Variants in PAN2 observed in about 807,000 individuals in gnomAD.
The protein encoded by PAN2 is PAN2-PAN3 deadenylation complex catalytic subunit PAN2.
Under a neutral mutation model 133.3 loss-of-function variants are expected in PAN2, and 68 were observed. The observed-to-expected ratio is 0.51, with a 90% CI of 0.42 to 0.62. PAN2 has a LOEUF of 0.62. Among genes scored for constraint, PAN2 ranks in the 20% least tolerant of loss-of-function variants. The pLI, the probability that PAN2 is intolerant of heterozygous loss-of-function variation, is 0.00. For missense variants in PAN2, 1,042 were observed against 1,500.5 expected (o/e 0.69, Z 5.05); for synonymous variants, 462 against 544.6 (o/e 0.85, Z 2.11).
Position 56,324,168 on chromosome 12 carries a change from C to T in PAN2, c.1946G>A (p.Gly649Glu), listed in dbSNP as rs1485232585. The change falls in exon 13 of 26, where the codon GGG becomes GAG. Residue 649 changes from glycine to glutamate, a missense_variant. This residue lies in a region of PAN2 where 908 missense variants were observed against 1,223.5 expected (regional missense o/e 0.74). Coordinates refer to ENST00000440411, the MANE Select transcript of PAN2 (RefSeq NM_014871.6). ...GAGGSSFCSS[G>E]DSVIGQLFSC... The stretch of plus-strand genomic sequence containing the variant: ...GAAGAGCTGCCCAATAACAGAGTCC[C>T]CCGATGAGCAAAAGCTGCTAAGAGT... 4.3e-6 allele frequency: 7 copies of T among 1,613,846 alleles called. No individual in the cohort carries two copies. The highest frequency in any genetic ancestry group is 5.9e-6 in the Non-Finnish European group (7 of 1,180,030).
chr12:56,325,300 C>T lies in PAN2; in HGVS notation c.1479+35G>A, dbSNP rs1000459548. The T allele has an allele frequency of 5.6e-6, 9 of 1,612,234 alleles. No individual in the cohort carries two copies. The African/African-American group carries it at 1.1e-4, about 19-fold the overall frequency. On this transcript the variant is annotated intron_variant, in intron 9 of 25. Transcript: ENST00000440411. Reference sequence around the variant, plus strand: ...ATGACTTCCTTCCCAGGGTACCTTTCCCCACATCCCACAGGCCCTGATGTC... The same window carrying T: ...ATGACTTCCTTCCCAGGGTACCTTTTCCCACATCCCACAGGCCCTGATGTC...
At chr12:56,317,731 A>T (rs1874062454) in intron 25 of PAN2, 88 bp from the exon 26 acceptor site, 1 of 1,108,990 alleles carries the variant, frequency 9.0e-7, no homozygotes, top group African/African-American at 1.5e-5. Flanking sequence ...AATGCAAGAG[A>T]AAAAAGGGCA....
chr12:56,333,082 C>T lies in PAN2; in HGVS notation c.13G>A (p.Gly5Ser). The change falls in exon 2 of 26, where the codon GGT becomes AGT. Residue 5 changes from glycine (G) to serine (S), a missense_variant. Physicochemically the swap from Gly to Ser is moderately conservative, Grantham distance 56 (BLOSUM62 0). Around this residue, in one of 3 missense-constraint regions of PAN2, gnomAD observed 908 missense variants for 1,223.5 expected, o/e 0.74. Coordinates refer to ENST00000440411, the MANE Select transcript of PAN2 (RefSeq NM_014871.6). The part of the protein sequence containing the change: MNFE[G>S]LDPGLAEYAP... ...TATTCTGCCAGTCCAGGGTCCAGACCCTCAAAGTTCATGATGACGATGGCA... is the reference window on the plus strand; with the variant it reads ...TATTCTGCCAGTCCAGGGTCCAGACTCTCAAAGTTCATGATGACGATGGCA... The T allele has an allele frequency of 6.2e-7, 1 of 1,613,456 alleles. No individual in the cohort carries two copies. The highest frequency in any genetic ancestry group is 8.5e-7 in the Non-Finnish European group (1 of 1,179,552).
In PAN2 at chr12:56,319,219, G is replaced by A; in HGVS notation, c.3271-38C>T. On this transcript the variant is annotated intron_variant, in intron 23 of 25. Coordinates refer to ENST00000440411, the MANE Select transcript of PAN2 (RefSeq NM_014871.6). This position sits in a 1 kb window ranked among gnomAD's most constrained non-coding sequence, Gnocchi z 5.4. ...AAAGAGGGGGAGACTTAAGGTAGGG[G>A]ACCTATAATTCCCCATTCTCTAAAG... 1.2e-6 allele frequency: 2 copies of A among 1,613,934 alleles called. No homozygotes were observed. The highest frequency in any genetic ancestry group is 1.7e-6 in the Non-Finnish European group (2 of 1,179,948).
At position 56,323,068 on chromosome 12, in the gene PAN2, C is replaced by T. The variant is rs1874741180; in HGVS notation, c.2487G>A (p.Glu829=). 1 of 1,613,984 alleles carries T rather than the reference C, an allele frequency of 6.2e-7. No individual in the cohort carries two copies. Among genetic ancestry groups the T allele is most frequent in the Non-Finnish European group, 8.5e-7 (1 of 1,180,048 alleles). The change falls in exon 17 of 26, where the codon GAG becomes GAA. Residue 829 remains glutamate (E), a synonymous_variant. Transcript: ENST00000440411. ...LDVCNWTDGD[E]MQWGPARAEE... is the part of the protein sequence containing the mutation. Reference sequence around the variant, plus strand: ...TTCCCGGTTTTTCAACAACCTGCATCTCATCCCCATCAGTCCAATTGCAAA... The same window carrying T: ...TTCCCGGTTTTTCAACAACCTGCATTTCATCCCCATCAGTCCAATTGCAAA...
chr12:56,328,154 T>G, intron 4 of PAN2, 82 bp from the exon 5 acceptor site: 1 of 1,602,252 alleles, frequency 6.2e-7, no homozygotes, highest in Non-Finnish European at 8.5e-7. Flanking sequence ...CACCCACATC[T>G]CAGGCACATT....
chr12:56,324,920 G>T, intron 10 of PAN2, 89 bp downstream of exon 10: 2 of 1,502,696 alleles, frequency 1.3e-6, no homozygotes, highest in Non-Finnish European at 1.8e-6. Flanking sequence ...GAACACGGCT[G>T]AGGAGACCTG....
rs528045171 is a variant in PAN2 at position 56,330,859 on chromosome 12, T to C, written c.282+1954A>G. Among the ~76,000 whole-genome samples, 5 of 151,910 alleles carry C rather than the reference T, an allele frequency of 3.3e-5. No individual in the cohort carries two copies. In the South Asian group the frequency reaches 8.3e-4, roughly 25 times the overall value. ...TGTCACCCAGGCAGGAGTGCAGTGG[T>C]GTGATCTCAGCTCACTGCAACCTCT... On this transcript the variant is annotated intron_variant, in intron 2 of 25. Transcript: ENST00000440411.
chr12:56,326,151 C>G (rs1875096954), intron 8 of PAN2, among the ~76,000 whole-genome samples, 162 bp downstream of exon 8: 1 of 152,218 alleles, frequency 6.6e-6, no homozygotes, highest in Non-Finnish European at 1.5e-5. Flanking sequence ...AGCAAGGACC[C>G]TAGCTTCTCT....
rs747424402 is a variant in PAN2, at chr12:56,323,350, C to T, written c.2306G>A (p.Gly769Glu). ...AFKMAVKKHG[G>E]EISKNKEFAL... ...AAATTCCTTGTTCTTGGAGATTTCCCCACCGTGTTTCTTTACTGCCATCTT... is the reference window on the plus strand; with the variant it reads ...AAATTCCTTGTTCTTGGAGATTTCCTCACCGTGTTTCTTTACTGCCATCTT... Residue 769 changes from glycine to glutamate, a missense_variant, in exon 16 of 26, where the codon GGG becomes GAG. By Grantham distance (98) the Gly-to-Glu change is moderately conservative. Around this residue, in one of 3 missense-constraint regions of PAN2, gnomAD observed 908 missense variants for 1,223.5 expected, o/e 0.74. Transcript: ENST00000440411. 60 of 1,613,828 alleles carry T rather than the reference C, an allele frequency of 3.7e-5. No individual in the cohort carries two copies. Among genetic ancestry groups the T allele is most frequent in the Non-Finnish European group, 5.0e-5 (59 of 1,179,946 alleles).
Position 56,317,302 on chromosome 12 carries a change from T to C in PAN2, c.*307A>G. The C allele has an allele frequency of 5.3e-6, 2 of 376,206 alleles. No homozygotes were observed. Among genetic ancestry groups the C allele is most frequent in the Non-Finnish European group, 9.8e-6 (2 of 204,904 alleles). 23.3% of individuals were successfully genotyped at this position (376,206 alleles called of 1,614,324 possible). A position where few individuals can be genotyped will look rare whatever the true frequency, so the allele number is the denominator to read the frequency against. On this transcript the variant is annotated 3_prime_UTR_variant, in exon 26 of 26. Coordinates refer to ENST00000440411, the MANE Select transcript of PAN2 (RefSeq NM_014871.6). Reference sequence around the variant, plus strand: ...ACTTACAGTTATGGTTCCAGGAGCTTCTCTGCCTGGATATTAGTCACCCAG... The same window carrying C: ...ACTTACAGTTATGGTTCCAGGAGCTCCTCTGCCTGGATATTAGTCACCCAG...
chr12:56,331,712 T>TG (rs200895831), intron 2 of PAN2, among the ~76,000 whole-genome samples: 43,609 of 145,794 alleles, frequency 0.3, 7,013 homozygotes, highest in Non-Finnish European at 0.39. Flanking sequence ...TTTTTTTTTT[T>TG]TTGTTTTTTG....
At chr12:56,320,741 GC>G (rs1394119097) in intron 20 of PAN2, among the ~76,000 whole-genome samples, 1 of 143,068 alleles carries the variant, frequency 7.0e-6, no homozygotes, top group Non-Finnish European at 1.5e-5. Flanking sequence ...AAGACTTACA[GC>G]TGCTTTTTTT....
chr12:56,323,726 A>C, intron 14 of PAN2, 81 bp downstream of exon 14: 1 of 1,427,470 alleles, frequency 7.0e-7, no homozygotes, highest in Non-Finnish European at 9.9e-7. Flanking sequence ...GGCAGTGCTG[A>C]CAGAGCCAGC....
At chr12:56,325,659 T>C (rs1433998602) in intron 8 of PAN2, among the ~76,000 whole-genome samples, 1 of 152,222 alleles carries the variant, frequency 6.6e-6, no homozygotes, top group Non-Finnish European at 1.5e-5. Context: ...CACACTGGTC[T>C]CCCTATGTTC....
At chr12:56,330,927 T>A (rs1236610986) in intron 2 of PAN2, among the ~76,000 whole-genome samples, 2 of 152,160 alleles carry the variant, frequency 1.3e-5, no homozygotes, top group African/African-American at 4.8e-5. Flanking sequence ...GCCTCCCAAG[T>A]AGCTGGGATT....
intron 2 of PAN2, among the ~76,000 whole-genome samples, chr12:56,330,929 G>C (rs1234260777): frequency 6.6e-6 from 1 of 152,086 alleles, no homozygotes; most frequent in African/African-American, 2.4e-5. Flanking sequence ...CTCCCAAGTA[G>C]CTGGGATTAT....
rs1419008124 is a variant in PAN2, at chr12:56,330,420, C to T, written c.283-1779G>A. Reference sequence around the variant, plus strand: ...TGTCGCCCAGGCTGGAGTGCAGTGGCGGGATCTCGGCTCACTGCAAGCTCC... The same window carrying T: ...TGTCGCCCAGGCTGGAGTGCAGTGGTGGGATCTCGGCTCACTGCAAGCTCC... On this transcript the variant is annotated intron_variant, in intron 2 of 25. Transcript: ENST00000440411. Among the ~76,000 whole-genome samples, 73 of 115,768 alleles carry T rather than the reference C, an allele frequency of 6.3e-4. 1 individual carries two copies. Among genetic ancestry groups the T allele is most frequent in the African/African-American group, 2.2e-3 (68 of 31,588 alleles). The allele number at this position is 115,768 out of a possible 152,430, so 75.9% of individuals were successfully genotyped here.
In PAN2 at chr12:56,323,196, T is replaced by C. The variant is rs1394484118; in HGVS notation, c.2359A>G (p.Ser787Gly). 6.2e-7 allele frequency: 1 copy of C among 1,613,696 alleles called. No homozygotes were observed. Among genetic ancestry groups the C allele is most frequent in the Non-Finnish European group, 8.5e-7 (1 of 1,179,908 alleles). The part of the protein sequence containing the change: ...FALADWKELG[S>G]PEGVLVCPSI... ...GGACACACCAGCACACCCTCTGGACTCCCTAGTTCCTTCCTATCAGGTCAG... is the reference window on the plus strand; with the variant it reads ...GGACACACCAGCACACCCTCTGGACCCCCTAGTTCCTTCCTATCAGGTCAG... The change falls in exon 17 of 26, where the codon AGT becomes GGT. Residue 787 changes from serine to glycine, a missense_variant. Physicochemically the swap from Ser to Gly is moderately conservative, Grantham distance 56. Around this residue, in one of 3 missense-constraint regions of PAN2, gnomAD observed 908 missense variants for 1,223.5 expected, o/e 0.74. Transcript: ENST00000440411.
Sources: allele counts gnomAD v4.1 joint callset (sites outside exome capture counted in the v4.1 genomes callset), GRCh38; gene constraint gnomAD v4.1.1; regional missense constraint gnomAD v4.1.1; non-coding constraint Gnocchi (gnomAD v3.1); transcripts MANE v1.5; gene names NCBI Gene and HGNC (gene_info 2026-07-23, HGNC 2026-07-21).